Variants in NALF1 observed in about 807,000 individuals in gnomAD.
The protein encoded by NALF1 is family with sequence similarity 155 member A.
Under a neutral mutation model 48.4 loss-of-function variants are expected in NALF1, and 3 were observed. The ratio of observed to expected loss-of-function variants is 0.06; its 90% CI spans 0.03 to 0.16. The LOEUF (loss-of-function observed/expected upper bound fraction) is 0.16. Ranked by LOEUF, NALF1 falls within the 10% of genes least tolerant of loss-of-function variation. NALF1 has a pLI of 1.00. For synonymous variants in NALF1, 262 were observed against 245.7 expected (o/e 1.07, Z -0.62); for missense variants, 526 against 571.5 (o/e 0.92, Z 0.81).
At chr13:107,601,611 T>A (rs1275259246) in intron 1 of NALF1, among the ~76,000 whole-genome samples, 7 of 152,180 alleles carry the variant, frequency 4.6e-5, no homozygotes, top group African/African-American at 1.7e-4. Flanking sequence ...TGTAGGAATA[T>A]CCTAATAAAG....
chr13:107,271,635 T>A (rs1477044448), intron 1 of NALF1, among the ~76,000 whole-genome samples: 5 of 151,858 alleles, frequency 3.3e-5, no homozygotes, highest in African/African-American at 1.2e-4. Flanking sequence ...AAGTTTGTGA[T>A]AATTTGTTAG....
At chr13:107,231,589 C>G (rs1188056698) in intron 1 of NALF1, among the ~76,000 whole-genome samples, 1 of 152,206 alleles carries the variant, frequency 6.6e-6, no homozygotes, top group Non-Finnish European at 1.5e-5. Context: ...TATGAACCAA[C>G]TACATTTTGG....
intron 1 of NALF1, among the ~76,000 whole-genome samples, chr13:107,415,542 C>A (rs1435833991): frequency 2.0e-5 from 3 of 151,726 alleles, no homozygotes; most frequent in Admixed American, 6.6e-5. Flanking sequence ...ATTTCATTAT[C>A]CTGAAAAAAA....
chr13:107,791,887 G>A (rs1405566484), intron 1 of NALF1, among the ~76,000 whole-genome samples: 1 of 152,114 alleles, frequency 6.6e-6, no homozygotes, highest in Non-Finnish European at 1.5e-5. Flanking sequence ...TTGAACCCGG[G>A]AGGTGAAGTT....
chr13:107,171,901 A>T (rs568754490), intron 2 of NALF1, among the ~76,000 whole-genome samples: 1 of 152,214 alleles, frequency 6.6e-6, no homozygotes, highest in Non-Finnish European at 1.5e-5. Flanking sequence ...TTTTCATGTC[A>T]CATGCTTGGT....
chr13:107,338,110 T>C (rs1162178156), intron 1 of NALF1, among the ~76,000 whole-genome samples: 1 of 152,238 alleles, frequency 6.6e-6, no homozygotes. Context: ...ATGACATCTT[T>C]TTAAACTTAA....
chr13:107,174,587 C>T (rs1370813906), intron 2 of NALF1, among the ~76,000 whole-genome samples: 5 of 151,996 alleles, frequency 3.3e-5, no homozygotes, highest in Non-Finnish European at 5.9e-5. Context: ...GATCTCTTGA[C>T]CTCGTGATCC....
chr13:107,620,369 T>C (rs1444107946), intron 1 of NALF1, among the ~76,000 whole-genome samples: 2 of 152,198 alleles, frequency 1.3e-5, no homozygotes, highest in East Asian at 3.9e-4. Flanking sequence ...CGTGCTATCA[T>C]TGGAGTGATA....
At chr13:107,763,854 C>T (rs941526208) in intron 1 of NALF1, among the ~76,000 whole-genome samples, 13 of 152,078 alleles carry the variant, frequency 8.5e-5, no homozygotes, top group East Asian at 5.8e-4. Flanking sequence ...AGGGGTCTAC[C>T]GTACCTAATC....
At chr13:107,598,581 G>C (rs1213086779) in intron 1 of NALF1, among the ~76,000 whole-genome samples, 1 of 152,108 alleles carries the variant, frequency 6.6e-6, no homozygotes. Flanking sequence ...TCCAGAATGT[G>C]CCTTTCTCAG....
chr13:107,396,197 A>C (rs1278795213), intron 1 of NALF1, among the ~76,000 whole-genome samples: 3 of 152,140 alleles, frequency 2.0e-5, no homozygotes, highest in South Asian at 2.1e-4. Context: ...GCACTGATCC[A>C]ATCAGATTAG....
chr13:107,703,245 T>C (rs1312916707), intron 1 of NALF1, among the ~76,000 whole-genome samples: 2 of 152,202 alleles, frequency 1.3e-5, no homozygotes, highest in Admixed American at 6.5e-5. Flanking sequence ...AATTACCTTA[T>C]ACATTTTCTA....
chr13:107,254,188 A>T (rs893993192), intron 1 of NALF1, among the ~76,000 whole-genome samples: 4 of 152,044 alleles, frequency 2.6e-5, no homozygotes, highest in African/African-American at 9.7e-5. Flanking sequence ...CTGAATCTTC[A>T]CAGTTGTCCT....
intron 1 of NALF1, among the ~76,000 whole-genome samples, chr13:107,341,660 T>G (rs1396125622): frequency 6.6e-6 from 1 of 151,284 alleles, no homozygotes; most frequent in Non-Finnish European, 1.5e-5. Flanking sequence ...TATATATGGT[T>G]TGTTGTATAT....
At chr13:107,233,235 A>G (rs1880264713) in intron 1 of NALF1, among the ~76,000 whole-genome samples, 1 of 152,234 alleles carries the variant, frequency 6.6e-6, no homozygotes, top group Non-Finnish European at 1.5e-5. Flanking sequence ...CACTCATATC[A>G]GAAAAATTCC....
At chr13:107,795,650 C>A (rs533017556) in intron 1 of NALF1, among the ~76,000 whole-genome samples, 2 of 152,204 alleles carry the variant, frequency 1.3e-5, no homozygotes, top group East Asian at 3.9e-4. Flanking sequence ...ATGCTGTATA[C>A]AATAATTATC....
intron 2 of NALF1, among the ~76,000 whole-genome samples, chr13:107,204,031 TC>T: frequency 1.1e-5 from 1 of 94,714 alleles, no homozygotes; most frequent in East Asian, 2.8e-4. Context: ...CTCTCCCTGC[TC>T]TCCAGGTGAG....
At chr13:107,210,519 C>A (rs2138804443) in intron 2 of NALF1, 65 bp downstream of exon 2, 2 of 1,148,978 alleles carry the variant, frequency 1.7e-6, no homozygotes, top group East Asian at 4.7e-5. Flanking sequence ...GCAAAGCAAA[C>A]AAACATCACA....
At chr13:107,631,890 G>A (rs779847986) in intron 1 of NALF1, among the ~76,000 whole-genome samples, 3 of 151,876 alleles carry the variant, frequency 2.0e-5, no homozygotes, top group African/African-American at 4.8e-5. Flanking sequence ...ATTCTCTCTC[G>A]TGCCACAGCC....
Sources: allele counts gnomAD v4.1 joint callset (sites outside exome capture counted in the v4.1 genomes callset), GRCh38; gene constraint gnomAD v4.1.1; transcripts MANE v1.5; gene names NCBI Gene and HGNC (gene_info 2026-07-23, HGNC 2026-07-21).